The following SLC7A9 variants were observed in gnomAD, a reference collection of about 807,000 sequenced individuals.
SLC7A9 encodes the protein B(0,+)-type amino acid transporter 1.
In SLC7A9, 38 loss-of-function variants were observed where a neutral mutation model predicts 54.1. The observed-to-expected ratio is 0.70, with a 90% CI of 0.54 to 0.92. The LOEUF is 0.92. Ranked by LOEUF, SLC7A9 falls within the 40% of genes least tolerant of loss-of-function variation. The pLI, the probability that SLC7A9 is intolerant of heterozygous loss-of-function variation, is 0.00. For synonymous variants in SLC7A9, 264 were observed against 258.9 expected (o/e 1.02, Z -0.19); for missense variants, 537 against 636.1 (o/e 0.84, Z 1.68).
chr19:32,848,413 A>G (rs560963577), intron 9 of SLC7A9, among the ~76,000 whole-genome samples: 271 of 152,138 alleles, frequency 1.8e-3, no homozygotes, highest in Non-Finnish European at 2.1e-3. Context: ...CAGACTTTAA[A>G]CCAACAAAGA....
intron 2 of SLC7A9, 24 bp downstream of exon 2, chr19:32,868,424 C>T (rs1179258279): frequency 1.2e-6 from 2 of 1,603,274 alleles, no homozygotes; most frequent in Non-Finnish European, 1.7e-6. Context: ...TGCAAAGGGC[C>T]TGCCCCACCA....
chr19:32,863,271 C>T (rs568456024), intron 4 of SLC7A9, among the ~76,000 whole-genome samples: 3 of 151,838 alleles, frequency 2.0e-5, no homozygotes, highest in African/African-American at 7.2e-5. Context: ...ACTACCCCAC[C>T]ACCCCCCTCC....
At chr19:32,841,450 G>C (rs1464761490) in intron 11 of SLC7A9, among the ~76,000 whole-genome samples, 1 of 152,086 alleles carries the variant, frequency 6.6e-6, no homozygotes, top group Non-Finnish European at 1.5e-5. Flanking sequence ...AAGGAGGCCG[G>C]CATAGTGGCT....
At chr19:32,853,067 C>T (rs1011794911) in intron 9 of SLC7A9, among the ~76,000 whole-genome samples, 4 of 152,158 alleles carry the variant, frequency 2.6e-5, no homozygotes, top group Non-Finnish European at 5.9e-5. Flanking sequence ...GCGCCCACCA[C>T]GTCCGGCTAA....
intron 11 of SLC7A9, among the ~76,000 whole-genome samples, chr19:32,834,988 C>T (rs1967916375): frequency 6.6e-6 from 1 of 152,064 alleles, no homozygotes. Context: ...CAGGGTTTCA[C>T]CACGTTGGCC....
Position 32,862,232 on chromosome 19 carries a change from G to C in SLC7A9, c.605-15C>G. 1 of 1,596,528 alleles carries C rather than the reference G, an allele frequency of 6.3e-7. No homozygotes were observed. The highest frequency in any genetic ancestry group is 1.3e-5 in the African/African-American group (1 of 74,722). The stretch of plus-strand genomic sequence containing the variant: ...CTTTGTGTTTCCTGTAATGAAGCCA[G>C]ACAGTGAACGGCGGGTGTCAACCGG... On this transcript the variant is annotated splice_polypyrimidine_tract_variant and intron_variant, in intron 5 of 12. Transcript: ENST00000023064.
intron 9 of SLC7A9, 48 bp downstream of exon 9, chr19:32,858,392 C>T (rs1281189630): frequency 2.9e-6 from 4 of 1,359,888 alleles, no homozygotes; most frequent in African/African-American, 1.4e-5. Flanking sequence ...GGTGATATTG[C>T]TTTCGCCGCC....
intron 9 of SLC7A9, among the ~76,000 whole-genome samples, chr19:32,853,109 C>T (rs1409602981): frequency 6.6e-6 from 1 of 152,094 alleles, no homozygotes; most frequent in Non-Finnish European, 1.5e-5. Context: ...CAGGGTTTCA[C>T]CATGTTGGCC....
chr19:32,842,725 G>T (rs1449423318), intron 10 of SLC7A9, among the ~76,000 whole-genome samples: 1 of 151,974 alleles, frequency 6.6e-6, no homozygotes, highest in Non-Finnish European at 1.5e-5. Context: ...CGATTCTCCT[G>T]CCTCGGCCTC....
chr19:32,856,188 G>A (rs961854464), intron 9 of SLC7A9, among the ~76,000 whole-genome samples: 1 of 148,702 alleles, frequency 6.7e-6, no homozygotes, highest in Admixed American at 6.9e-5. Context: ...TTTCAAAATA[G>A]CTAGTGGTTT....
chr19:32,831,462 T>G (rs962389295), intron 12 of SLC7A9: 1 of 152,192 alleles, frequency 6.6e-6, no homozygotes, highest in East Asian at 2.0e-4. Context: ...AATTTTTTTT[T>G]GTATTTTTAG....
chr19:32,844,010 A>G, intron 9 of SLC7A9, 59 bp from the exon 10 acceptor site: 1 of 1,316,184 alleles, frequency 7.6e-7, no homozygotes, highest in Non-Finnish European at 1.1e-6. Context: ...GTCCAGGGCC[A>G]CTGAGGACTT....
chr19:32,864,220 G>A lies in SLC7A9; in HGVS notation c.354C>T (p.Ile118=), dbSNP rs369365355. The A allele has an allele frequency of 7.4e-6, 12 of 1,614,066 alleles. No individual in the cohort carries two copies. The highest frequency in any genetic ancestry group is 3.3e-5 in the South Asian group (3 of 91,090). The change falls in exon 4 of 13, where the codon ATC becomes ATT. Residue 118 remains isoleucine (I), a synonymous_variant. Coordinates refer to ENST00000023064, the MANE Select transcript of SLC7A9 (RefSeq NM_014270.5). Reference sequence around the variant, plus strand: ...TGGCGAAGGACGTGGGCTTAATGACGATCAGGCTGGCCCAGGAGAAGAGGT... The same window carrying A: ...TGGCGAAGGACGTGGGCTTAATGACAATCAGGCTGGCCCAGGAGAAGAGGT... ...PAYLFSWASL[I]VIKPTSFAII...
chr19:32,867,917 A>AG lies in SLC7A9; in HGVS notation c.87+530_87+531insC, dbSNP rs1467481696. 5.7e-5 allele frequency among the ~76,000 whole-genome samples: 8 copies of AG among 139,568 alleles called. No individual in the cohort carries two copies. In the East Asian group the frequency reaches 1.8e-3, roughly 31 times the overall value. The allele number at this position is 139,568 out of a possible 152,430, so 91.6% of individuals were successfully genotyped here. ...TGCACTCCAGCCTGGGTGACAGAGCAAGACTCTGTCTCAAAAAAAAAAAAA... is the reference window on the plus strand; with the variant it reads ...TGCACTCCAGCCTGGGTGACAGAGCAGAGACTCTGTCTCAAAAAAAAAAAAA... On this transcript the variant is annotated intron_variant, in intron 2 of 12. Transcript: ENST00000023064.
At chr19:32,852,250 G>A (rs1255695876) in intron 9 of SLC7A9, among the ~76,000 whole-genome samples, 1 of 152,088 alleles carries the variant, frequency 6.6e-6, no homozygotes, top group Non-Finnish European at 1.5e-5. Flanking sequence ...CAGCACTTTG[G>A]GAGGTTGAAG....
In SLC7A9 at chr19:32,864,942, G is replaced by A. The variant is rs534991348; in HGVS notation, c.88-166C>T. Among the ~76,000 whole-genome samples, 68 of 152,312 alleles carry A rather than the reference G, an allele frequency of 4.5e-4. 1 individual carries two copies. The highest frequency in any genetic ancestry group is 1.4e-3 in the African/African-American group (58 of 41,578). On this transcript the variant is annotated intron_variant, in intron 2 of 12. Coordinates refer to ENST00000023064, the MANE Select transcript of SLC7A9 (RefSeq NM_014270.5). ...CTGGCAACACCGGGGCACCGCTCCC[G>A]GAGCTTTGCTTATGTTAACGTGATT...
chr19:32,851,177 A>T (rs1439436222), intron 9 of SLC7A9, among the ~76,000 whole-genome samples: 1 of 152,180 alleles, frequency 6.6e-6, no homozygotes, highest in African/African-American at 2.4e-5. Flanking sequence ...GACAAATGGG[A>T]TCTAATTAAA....
intron 9 of SLC7A9, among the ~76,000 whole-genome samples, chr19:32,855,425 C>T (rs150339651): frequency 0.025 from 3,775 of 152,254 alleles, 69 homozygotes; most frequent in South Asian, 0.065. Flanking sequence ...TGCAGCCGGG[C>T]GCGGTGGCTC....
At chr19:32,864,396 G>A (rs1216649688) in intron 3 of SLC7A9, 58 bp from the exon 4 acceptor site, 1 of 1,608,614 alleles carries the variant, frequency 6.2e-7, no homozygotes, top group African/African-American at 1.3e-5. Context: ...CCCGGCCCCA[G>A]GGAGCCTTCC....
Sources: gnomAD v4.1 joint callset for allele counts (sites outside exome capture counted in the v4.1 genomes callset) on GRCh38, gnomAD v4.1.1 for gene constraint, MANE v1.5 for transcripts, NCBI Gene and HGNC (gene_info 2026-07-23, HGNC 2026-07-21) for gene names.